Variants in RAPH1 observed in about 807,000 individuals in gnomAD.
The protein encoded by RAPH1 is ras-associated and pleckstrin homology domains-containing protein 1.
RAPH1 carries 18 observed loss-of-function variants against 88.1 expected under a neutral mutation model. That is an observed-to-expected ratio of 0.20 (90% CI 0.14 to 0.30). RAPH1 has a LOEUF of 0.30. Ranked by LOEUF, RAPH1 falls within the 10% of genes least tolerant of loss-of-function variation. RAPH1 has a pLI of 1.00. For synonymous variants in RAPH1, 587 were observed against 559.0 expected (o/e 1.05, Z -0.71); for missense variants, 1,448 against 1,543.2 (o/e 0.94, Z 1.03).
intron 13 of RAPH1, chr2:203,443,164 A>G (rs911245556): frequency 2.0e-5 from 3 of 152,212 alleles, no homozygotes; most frequent in African/African-American, 7.2e-5. Flanking sequence ...CAGTTAGTGA[A>G]CCACATATAC....
intron 1 of RAPH1, among the ~76,000 whole-genome samples, chr2:203,509,362 TA>T (rs1689233741): frequency 6.6e-6 from 1 of 152,006 alleles, no homozygotes; most frequent in Non-Finnish European, 1.5e-5. Context: ...CACCCGGCCC[TA>T]AAAAAATAAG....
chr2:203,501,398 G>C (rs1674406501), intron 1 of RAPH1, among the ~76,000 whole-genome samples: 1 of 152,174 alleles, frequency 6.6e-6, no homozygotes, highest in African/African-American at 2.4e-5. Flanking sequence ...GTTCTGCTGT[G>C]AATGAAGTGC....
intron 1 of RAPH1, among the ~76,000 whole-genome samples, chr2:203,508,782 A>T (rs1033137836): frequency 2.6e-5 from 4 of 152,228 alleles, no homozygotes; most frequent in African/African-American, 9.6e-5. Context: ...TAACAAATAG[A>T]TCATCTAAAT....
At chr2:203,471,779 AAC>A in intron 4 of RAPH1, among the ~76,000 whole-genome samples, 1 of 151,454 alleles carries the variant, frequency 6.6e-6, no homozygotes, top group Non-Finnish European at 1.5e-5. Context: ...ATGCAAGGTA[AAC>A]TTTATAAGCA....
intron 4 of RAPH1, among the ~76,000 whole-genome samples, chr2:203,478,818 C>T (rs190800988): frequency 2.0e-5 from 3 of 152,240 alleles, no homozygotes; most frequent in South Asian, 2.1e-4. Context: ...CAGTTTTATC[C>T]CTTACACCCC....
chr2:203,439,294 G>T lies in RAPH1; in HGVS notation c.*143C>A. On this transcript the variant is annotated 3_prime_UTR_variant, in exon 14 of 14. Transcript: ENST00000319170. Reference sequence around the variant, plus strand: ...TGTACAGCTGTGTGTACATGCACGTGTACACACACACATACACATATAGCT... The same window carrying T: ...TGTACAGCTGTGTGTACATGCACGTTTACACACACACATACACATATAGCT... 1.4e-6 allele frequency: 1 copy of T among 694,130 alleles called. No homozygotes were observed. The highest frequency in any genetic ancestry group is 2.5e-6 in the Non-Finnish European group (1 of 407,196). The allele number at this position is 694,130 out of a possible 1,614,324, so 43.0% of individuals were successfully genotyped here. A position where few individuals can be genotyped will look rare whatever the true frequency, so the allele number is the denominator to read the frequency against.
intron 7 of RAPH1, 112 bp from the exon 8 acceptor site, chr2:203,457,707 G>A (rs1440693098): frequency 2.4e-6 from 2 of 818,320 alleles, no homozygotes; most frequent in Admixed American, 2.0e-5. Flanking sequence ...TTCTTCTAGA[G>A]AAATAGCAAC....
At chr2:203,441,449 A>C (rs1187777888) in intron 13 of RAPH1, 36 bp from the exon 14 acceptor site, 1 of 1,494,854 alleles carries the variant, frequency 6.7e-7, no homozygotes, top group African/African-American at 1.4e-5. Flanking sequence ...GGAGAGAGAA[A>C]AACACAACAA....
At chr2:203,527,800 CAAAA>C (rs59384499) in intron 1 of RAPH1, among the ~76,000 whole-genome samples, 3 of 51,234 alleles carry the variant, frequency 5.9e-5, no homozygotes, top group African/African-American at 1.2e-4. Context: ...AACTCCATCT[CAAAA>C]AAAAAAAAAA....
At chr2:203,506,879 T>TAG (rs1553630553) in intron 1 of RAPH1, among the ~76,000 whole-genome samples, 1 of 81,206 alleles carries the variant, frequency 1.2e-5, no homozygotes, top group African/African-American at 5.3e-5. Context: ...TATATATATA[T>TAG]AGATATATAT....
At chr2:203,529,000 TATA>T (rs1245946642) in intron 1 of RAPH1, among the ~76,000 whole-genome samples, 103 of 91,230 alleles carry the variant, frequency 1.1e-3, no homozygotes, top group Non-Finnish European at 1.3e-3. Context: ...TATATATATA[TATA>T]TATTTTTTTT....
At chr2:203,466,113 A>G (rs1304262114) in intron 4 of RAPH1, among the ~76,000 whole-genome samples, 1 of 152,212 alleles carries the variant, frequency 6.6e-6, no homozygotes, top group Non-Finnish European at 1.5e-5. Flanking sequence ...TGAAATTAAG[A>G]GCTGGGTTAA....
chr2:203,534,497 T>C (rs1420660637), intron 1 of RAPH1, among the ~76,000 whole-genome samples: 1,248 of 22,858 alleles, frequency 0.055, no homozygotes, highest in Admixed American at 0.074. Context: ...CACTGCCCCC[T>C]CCCTCCGTCC....
chr2:203,502,344 T>C (rs1338740010), intron 1 of RAPH1, among the ~76,000 whole-genome samples: 2 of 152,200 alleles, frequency 1.3e-5, no homozygotes, highest in Non-Finnish European at 2.9e-5. Context: ...GCCATCTCTT[T>C]GATTTAAGCC....
chr2:203,466,493 C>T (rs1254940463), intron 4 of RAPH1, among the ~76,000 whole-genome samples: 2 of 152,128 alleles, frequency 1.3e-5, no homozygotes, highest in Non-Finnish European at 2.9e-5. Context: ...ACTTAGAACA[C>T]CTCCAATAGT....
rs1688099843 is a variant in RAPH1, at chr2:203,488,617, A to G, written c.732+967T>C. Among the ~76,000 whole-genome samples, 3 of 149,860 alleles carry G rather than the reference A, an allele frequency of 2.0e-5. No individual in the cohort carries two copies. The South Asian group carries it at 6.3e-4, about 32-fold the overall frequency. ...AAAAAAAAAAAAAAAAAAAAAAAAA[A>G]ACCTGTTTATGAACAACTTTTGTTC... is the stretch of plus-strand genomic sequence containing the variant. On this transcript the variant is annotated intron_variant, in intron 4 of 13. Coordinates refer to ENST00000319170, the MANE Select transcript of RAPH1 (RefSeq NM_213589.3).
intron 1 of RAPH1, among the ~76,000 whole-genome samples, chr2:203,534,800 C>A (rs1468983520): frequency 1.3e-5 from 2 of 151,972 alleles, no homozygotes; most frequent in African/African-American, 2.4e-5. Context: ...GGTGCTGGGT[C>A]GGAGAAGCCT....
Position 203,461,898 on chromosome 2 carries a change from C to G in RAPH1, c.760G>C (p.Glu254Gln). ...TTCTCTAGGGCAACTCTGATCTTCTCAGCTTTCAATTTTGCTGCCTGTTCT... is the reference window on the plus strand; with the variant it reads ...TTCTCTAGGGCAACTCTGATCTTCTGAGCTTTCAATTTTGCTGCCTGTTCT... ...EEEQAAKLKA[E>Q]KIRVALEKIK... Residue 254 changes from glutamate to glutamine, a missense_variant, in exon 5 of 14, where the codon GAG becomes CAG. This residue lies in a region of RAPH1 where 513 missense variants were observed against 653.1 expected (regional missense o/e 0.79). Coordinates refer to ENST00000319170, the MANE Select transcript of RAPH1 (RefSeq NM_213589.3). The G allele has an allele frequency of 1.2e-6, 2 of 1,610,278 alleles. No homozygotes were observed. The highest frequency in any genetic ancestry group is 1.7e-6 in the Non-Finnish European group (2 of 1,178,160).
In RAPH1 at chr2:203,530,936, T is replaced by C. The variant is rs138205342; in HGVS notation, c.-1+4175A>G. 1.8e-4 allele frequency among the ~76,000 whole-genome samples: 27 copies of C among 151,946 alleles called. 1 individual carries two copies. The East Asian group carries it at 4.8e-3, about 27-fold the overall frequency. ...ATACACACATGCATACATATAAATA[T>C]ACACATGTGTATATATGAATGAGTA... On this transcript the variant is annotated intron_variant, in intron 1 of 13. Transcript: ENST00000319170.
Sources: gnomAD v4.1 joint callset for allele counts (sites outside exome capture counted in the v4.1 genomes callset) on GRCh38, gnomAD v4.1.1 for gene constraint, gnomAD v4.1.1 regional missense constraint, MANE v1.5 for transcripts, NCBI Gene and HGNC (gene_info 2026-07-23, HGNC 2026-07-21) for gene names.